PRKG1: variants seen among roughly 807,000 people sequenced by gnomAD.
The protein encoded by PRKG1 is cGMP-dependent protein kinase 1.
PRKG1 carries 35 observed loss-of-function variants against 88.1 expected under a neutral mutation model. That is an observed-to-expected ratio of 0.40 (90% CI 0.30 to 0.53). PRKG1 has a LOEUF of 0.53. Among genes scored for constraint, PRKG1 ranks in the 20% least tolerant of loss-of-function variants. The pLI is 0.59. For missense variants in PRKG1, 540 were observed against 839.8 expected (o/e 0.64, Z 4.41); for synonymous variants, 303 against 292.5 (o/e 1.04, Z -0.37).
intron 5 of PRKG1, among the ~76,000 whole-genome samples, chr10:52,050,037 G>C (rs1158492657): frequency 1.4e-5 from 2 of 146,572 alleles, no homozygotes; most frequent in Admixed American, 6.8e-5. Context: ...ATGTGTGTGT[G>C]TGAGAGAGAG....
intron 1 of PRKG1, among the ~76,000 whole-genome samples, chr10:51,059,324 G>C (rs1487998462): frequency 6.6e-6 from 1 of 152,104 alleles, no homozygotes; most frequent in Non-Finnish European, 1.5e-5. Flanking sequence ...GGTAGATTTT[G>C]TGTGCATGTG....
Position 51,620,694 on chromosome 10 carries a change from C to A in PRKG1, c.592+152858C>A, listed in dbSNP as rs144818042. Among the ~76,000 whole-genome samples, 614 of 152,062 alleles carry A rather than the reference C, an allele frequency of 4.0e-3. 4 individuals carry two copies. Among genetic ancestry groups the A allele is most frequent in the African/African-American group, 0.014 (579 of 41,502 alleles). On this transcript the variant is annotated intron_variant, in intron 3 of 17. Coordinates refer to ENST00000373980, the MANE Select transcript of PRKG1 (RefSeq NM_006258.4). ...CAATGTGCCAAGCACTCCTCTAGAG[C>A]TAAGTTATGTACAAGTCAGGTAATC...
chr10:51,313,201 C>T (rs892771234), intron 2 of PRKG1, among the ~76,000 whole-genome samples: 2 of 151,878 alleles, frequency 1.3e-5, no homozygotes, highest in African/African-American at 4.8e-5. Context: ...AAAGTCTAAA[C>T]CTAAATAATG....
chr10:51,308,303 T>C (rs1841091157), intron 2 of PRKG1, among the ~76,000 whole-genome samples: 1 of 152,208 alleles, frequency 6.6e-6, no homozygotes, highest in Non-Finnish European at 1.5e-5. Context: ...GAAACAGGTC[T>C]CTGCCTGTTT....
At chr10:51,048,110 G>C (rs1036798291) in intron 1 of PRKG1, among the ~76,000 whole-genome samples, 1 of 152,056 alleles carries the variant, frequency 6.6e-6, no homozygotes, top group Admixed American at 6.6e-5. Context: ...ATTCTTTGTC[G>C]ATTCTTGCAT....
chr10:52,213,893 A>T (rs1414418278), intron 9 of PRKG1, among the ~76,000 whole-genome samples: 1 of 152,226 alleles, frequency 6.6e-6, no homozygotes, highest in African/African-American at 2.4e-5. Flanking sequence ...CACATCCTTG[A>T]TATTTACAAA....
chr10:51,407,975 C>T (rs143187423), intron 2 of PRKG1, among the ~76,000 whole-genome samples: 14 of 147,876 alleles, frequency 9.5e-5, no homozygotes, highest in Non-Finnish European at 1.9e-4. Flanking sequence ...CATTATGTCT[C>T]CTGGTGGCAG....
intron 9 of PRKG1, among the ~76,000 whole-genome samples, chr10:52,244,866 ATAT>A (rs1227598334): frequency 2.9e-5 from 4 of 138,352 alleles, no homozygotes; most frequent in African/African-American, 5.2e-5. Flanking sequence ...ATATATTTAA[ATAT>A]TATAAAATAT....
At chr10:52,267,864 G>A (rs572835061) in intron 10 of PRKG1, among the ~76,000 whole-genome samples, 4 of 152,128 alleles carry the variant, frequency 2.6e-5, no homozygotes, top group African/African-American at 7.2e-5. Flanking sequence ...TAGAAATTTA[G>A]ATTGTTTCTA....
chr10:52,093,782 A>G (rs1904017), intron 7 of PRKG1, among the ~76,000 whole-genome samples: 14,533 of 152,114 alleles, frequency 0.096, 844 homozygotes, highest in East Asian at 0.31. Context: ...ATCCTAAGAA[A>G]CCCAACTGTT....
intron 3 of PRKG1, among the ~76,000 whole-genome samples, chr10:51,670,955 G>A (rs559879827): frequency 6.6e-6 from 1 of 151,844 alleles, no homozygotes; most frequent in African/African-American, 2.4e-5. Flanking sequence ...AAATTGGGCA[G>A]TGTCATTTTT....
intron 2 of PRKG1, among the ~76,000 whole-genome samples, chr10:51,397,649 G>T (rs1332787323): frequency 6.6e-6 from 1 of 152,098 alleles, no homozygotes; most frequent in African/African-American, 2.4e-5. Context: ...AACATCTCAG[G>T]AAATTGTTTT....
At chr10:51,704,289 T>C (rs1300288787) in intron 3 of PRKG1, among the ~76,000 whole-genome samples, 1 of 150,366 alleles carries the variant, frequency 6.7e-6, no homozygotes, top group Non-Finnish European at 1.5e-5. Context: ...TGTTTTCACC[T>C]CTGTATCCTC....
At chr10:51,295,385 T>G (rs1840693450) in intron 2 of PRKG1, among the ~76,000 whole-genome samples, 2 of 152,248 alleles carry the variant, frequency 1.3e-5, no homozygotes, top group South Asian at 4.1e-4. Context: ...ATTCTTTTTG[T>G]TACTATTATG....
intron 7 of PRKG1, among the ~76,000 whole-genome samples, chr10:52,129,615 G>A (rs1298664695): frequency 1.3e-5 from 2 of 152,162 alleles, no homozygotes; most frequent in African/African-American, 4.8e-5. Context: ...CACCGTCATG[G>A]CAACATGAGT....
At chr10:51,581,516 C>A (rs766245362) in intron 3 of PRKG1, among the ~76,000 whole-genome samples, 1 of 152,174 alleles carries the variant, frequency 6.6e-6, no homozygotes, top group Admixed American at 6.5e-5. Context: ...CCACAAGGGT[C>A]GCATTCCATT....
chr10:51,277,513 C>A (rs951345356), intron 2 of PRKG1, among the ~76,000 whole-genome samples: 2 of 152,144 alleles, frequency 1.3e-5, no homozygotes, highest in East Asian at 1.9e-4. Flanking sequence ...TCTTTCGTAG[C>A]TTGATGGGAA....
At chr10:51,113,233 A>T (rs947551918) in intron 1 of PRKG1, among the ~76,000 whole-genome samples, 2 of 152,214 alleles carry the variant, frequency 1.3e-5, no homozygotes, top group African/African-American at 2.4e-5. Context: ...TAAGTGACTA[A>T]CTGAAAGATG....
At chr10:51,553,499 T>C (rs1022918033) in intron 3 of PRKG1, among the ~76,000 whole-genome samples, 4 of 151,594 alleles carry the variant, frequency 2.6e-5, no homozygotes, top group African/African-American at 9.7e-5. Context: ...GTATCATTTA[T>C]CAGCTAGATC....
Sources: gnomAD v4.1 joint callset for allele counts (sites outside exome capture counted in the v4.1 genomes callset) on GRCh38, gnomAD v4.1.1 for gene constraint, MANE v1.5 for transcripts, NCBI Gene and HGNC (gene_info 2026-07-23, HGNC 2026-07-21) for gene names.